TNK2: variants seen among roughly 807,000 people sequenced by gnomAD.
The protein encoded by TNK2 is activated CDC42 kinase 1.
In TNK2, 83 loss-of-function variants were observed where a neutral mutation model predicts 101.8. The ratio of observed to expected loss-of-function variants is 0.82; its 90% CI spans 0.68 to 0.98. The LOEUF (loss-of-function observed/expected upper bound fraction) is 0.98, where lower values mean the gene tolerates loss of function less well. TNK2 is among the 50% of genes least tolerant of loss of function. The pLI is 0.00. For synonymous variants in TNK2, 804 were observed against 633.0 expected, an observed-to-expected ratio of 1.27 and a Z score of -4.06; for missense variants, 1,665 against 1,483.2, an observed-to-expected ratio of 1.12 and a Z score of -2.01.
In TNK2 at chr3:195,878,244, A is replaced by G; in HGVS notation, c.1256+9T>C. On this transcript the variant is annotated intron_variant, in intron 9 of 15. Coordinates refer to ENST00000672887, the MANE Select transcript of TNK2 (RefSeq NM_001382273.1). This position sits in a 1 kb window ranked among gnomAD's most constrained non-coding sequence, Gnocchi z 4.7. ...ATCCCAGGGCGGGGCCCAGCCCTGC[A>G]CTCCCTACCTTCCCTCGATGACGGT... 6.2e-7 allele frequency: 1 copy of G among 1,613,584 alleles called. No individual in the cohort carries two copies.
intron 1 of TNK2, among the ~76,000 whole-genome samples, chr3:195,904,431 A>C (rs1761532494): frequency 6.6e-6 from 1 of 152,208 alleles, no homozygotes; most frequent in Non-Finnish European, 1.5e-5. Flanking sequence ...TAAGCCAGGC[A>C]CAAAAGCACA....
In TNK2 at chr3:195,868,014, G is replaced by C. The variant is rs1194346623; in HGVS notation, c.2284C>G (p.Pro762Ala). The C allele has an allele frequency of 2.5e-6, 4 of 1,580,890 alleles. No individual in the cohort carries two copies. The highest frequency in any genetic ancestry group is 3.3e-4 in the Middle Eastern group (2 of 5,988). The stretch of plus-strand genomic sequence containing the variant: ...TGGACGTGTGGGCGCGTGGGCCGAG[G>C]GGGGATGGGTACCCGAGGAGGCACC... ...PQVPPRVPIP[P>A]RPTRPHVQLS... The change falls in exon 13 of 16, where the codon CCT becomes GCT. Residue 762 changes from proline (P) to alanine (A), a missense_variant. Transcript: ENST00000672887.
chr3:195,869,828 AGT>A, intron 11 of TNK2: 1 of 556,778 alleles, frequency 1.8e-6, no homozygotes, highest in East Asian at 2.9e-5. Context: ...ATTAGGGGGA[AGT>A]GAGGAAAGCC....
rs1755720620 is a variant in TNK2, at chr3:195,886,672, G to A, written c.234+305C>T. On this transcript the variant is annotated intron_variant, in intron 3 of 15. Coordinates refer to ENST00000672887, the MANE Select transcript of TNK2 (RefSeq NM_001382273.1). This position sits in a 1 kb window ranked among gnomAD's most constrained non-coding sequence, Gnocchi z 4.2. ...ACACTGGCCCCAACGCTCAGACACAGCAGGGCTAAGTTAAGGCACACTTGT... is the reference window on the plus strand; with the variant it reads ...ACACTGGCCCCAACGCTCAGACACAACAGGGCTAAGTTAAGGCACACTTGT... Among the ~76,000 whole-genome samples, 1 of 152,194 alleles carries A rather than the reference G, an allele frequency of 6.6e-6. No individual in the cohort carries two copies. The highest frequency in any genetic ancestry group is 6.5e-5 in the Admixed American group (1 of 15,272).
rs748027284 is a variant in TNK2, at chr3:195,886,775, C to T, written c.234+202G>A. Among the ~76,000 whole-genome samples, 8 of 152,334 alleles carry T rather than the reference C, an allele frequency of 5.3e-5. No individual in the cohort carries two copies. The highest frequency in any genetic ancestry group is 1.0e-4 in the Non-Finnish European group (7 of 68,032). On this transcript the variant is annotated intron_variant, in intron 3 of 15. Transcript: ENST00000672887. This position sits in a 1 kb window ranked among gnomAD's most constrained non-coding sequence, Gnocchi z 4.2. The stretch of plus-strand genomic sequence containing the variant: ...ACACAGGCTGCTCACGTGTCCGTAT[C>T]TGGCGGAGACAGACACTTAGCCCAG...
intron 9 of TNK2, chr3:195,876,433 C>T (rs1749319681): frequency 2.2e-6 from 1 of 456,708 alleles, no homozygotes; most frequent in Non-Finnish European, 4.4e-6. Context: ...CACCCAGGCC[C>T]AAAGACTCAC....
chr3:195,906,390 T>G (rs1254610107), intron 1 of TNK2, among the ~76,000 whole-genome samples: 1 of 152,144 alleles, frequency 6.6e-6, no homozygotes, highest in Non-Finnish European at 1.5e-5. Flanking sequence ...AGCAGCTTTC[T>G]CTGAAAACCC....
chr3:195,867,664 G>C lies in TNK2; in HGVS notation c.2634C>G (p.Pro878=). The C allele has an allele frequency of 1.2e-6, 2 of 1,606,246 alleles. No homozygotes were observed. The highest frequency in any genetic ancestry group is 1.7e-6 in the Non-Finnish European group (2 of 1,179,596). The change falls in exon 13 of 16, where the codon CCC becomes CCG. Residue 878 remains proline, a synonymous_variant. Transcript: ENST00000672887. ...AGCGCTCCAGGTAGGATGGTCGCTC[G>C]GGCAGCAAGTAATAGTGGGTGCTGC... ...KVSSTHYYLL[P]ERPSYLERYQ...
Position 195,888,320 on chromosome 3 carries a change from G to C in TNK2, c.163+106C>G. The C allele has an allele frequency of 2.4e-6, 3 of 1,245,412 alleles. No individual in the cohort carries two copies. The highest frequency in any genetic ancestry group is 3.4e-6 in the Non-Finnish European group (3 of 879,728). 77.1% of individuals were successfully genotyped at this position (1,245,412 alleles called of 1,614,324 possible). ...ACTGATGTCCCTCCTGCTCCCTCAG[G>C]GCTCTGGGACAGAGTTCTCAGCTGC... is the stretch of plus-strand genomic sequence containing the variant. On this transcript the variant is annotated intron_variant, in intron 2 of 15. Coordinates refer to ENST00000672887, the MANE Select transcript of TNK2 (RefSeq NM_001382273.1). This position sits in a 1 kb window ranked among gnomAD's most constrained non-coding sequence, Gnocchi z 5.3.
At position 195,868,500 on chromosome 3, in the gene TNK2, A is replaced by G. The variant is rs1482889527; in HGVS notation, c.1798T>C (p.Cys600Arg). 3.2e-6 allele frequency: 5 copies of G among 1,546,794 alleles called. No homozygotes were observed. Among genetic ancestry groups the G allele is most frequent in the Non-Finnish European group, 4.3e-6 (5 of 1,157,048 alleles). The change falls in exon 13 of 16, where the codon TGC becomes CGC. Residue 600 changes from cysteine (C) to arginine (R), a missense_variant. Cys to Arg is a radical substitution (Grantham distance 180). Coordinates refer to ENST00000672887, the MANE Select transcript of TNK2 (RefSeq NM_001382273.1). Reference sequence around the variant, plus strand: ...GCCAGCTGCGCCAGGGAGGGCGCGCAGGGCCGTAGGGCCGGGACCACGGGC... The same window carrying G: ...GCCAGCTGCGCCAGGGAGGGCGCGCGGGGCCGTAGGGCCGGGACCACGGGC... ...EEPVVPALRP[C>R]APSLAQLAMD...
At chr3:195,871,016 T>C (rs551394090) in intron 10 of TNK2, among the ~76,000 whole-genome samples, 1 of 145,010 alleles carries the variant, frequency 6.9e-6, no homozygotes, top group African/African-American at 2.5e-5. Flanking sequence ...TTCTGGTGTG[T>C]GGGGGCCCGC....
At chr3:195,880,240 C>T (rs1201375622) in intron 6 of TNK2, among the ~76,000 whole-genome samples, 1 of 152,100 alleles carries the variant, frequency 6.6e-6, no homozygotes, top group Non-Finnish European at 1.5e-5. Flanking sequence ...GCAGCCCTGG[C>T]CCATCTACAA....
At position 195,868,460 on chromosome 3, in the gene TNK2, G is replaced by C. The variant is rs751564145; in HGVS notation, c.1838C>G (p.Ser613Cys). 3 of 1,559,550 alleles carry C rather than the reference G, an allele frequency of 1.9e-6. No individual in the cohort carries two copies. Among genetic ancestry groups the C allele is most frequent in the Non-Finnish European group, 2.6e-6 (3 of 1,164,122 alleles). Reference protein sequence around the residue: ...SLAQLAMDACSLLDETPPQSP... With the variant: ...SLAQLAMDACCLLDETPPQSP... ...CTGAGGCGGGGTCTCGTCCAGCAGG[G>C]AGCAGGCGTCCATGGCCAGCTGCGC... The change falls in exon 13 of 16, where the codon TCC (serine) becomes TGC (cysteine). Residue 613 changes from serine (S) to cysteine (C), a missense_variant. Coordinates refer to ENST00000672887, the MANE Select transcript of TNK2 (RefSeq NM_001382273.1).
intron 1 of TNK2, chr3:195,894,713 C>G (rs1240665071): frequency 6.6e-6 from 1 of 152,544 alleles, no homozygotes; most frequent in Non-Finnish European, 1.5e-5. Flanking sequence ...TTCTCCTCGC[C>G]CAGGAAAACA....
At chr3:195,902,957 C>G (rs766830934) in intron 1 of TNK2, among the ~76,000 whole-genome samples, 8 of 152,024 alleles carry the variant, frequency 5.3e-5, no homozygotes, top group Non-Finnish European at 1.2e-4. Flanking sequence ...ACCATGTTGC[C>G]CAGGCTGGTC....
intron 4 of TNK2, chr3:195,884,468 C>T: frequency 4.8e-6 from 1 of 207,310 alleles, no homozygotes; most frequent in Non-Finnish European, 9.7e-6. Flanking sequence ...CATGGTGAAA[C>T]CCCGTCTCTA....
chr3:195,892,706 G>A, intron 1 of TNK2: 2 of 1,393,990 alleles, frequency 1.4e-6, no homozygotes, highest in Non-Finnish European at 1.9e-6. Context: ...GCTGCAGCCG[G>A]GATCCTCTGT....
Position 195,872,409 on chromosome 3 carries a change from G to A in TNK2, c.1318C>T (p.Arg440Cys), listed in dbSNP as rs1403122471. Residue 440 changes from arginine (R) to cysteine (C), a missense_variant, in exon 10 of 16, where the codon CGC (arginine) becomes TGC (cysteine). By Grantham distance (180) the Arg-to-Cys change is radical. Transcript: ENST00000672887. The stretch of plus-strand genomic sequence containing the variant: ...CCGGCCACGGAGGTCACCACGTTGC[G>A]AGGGAAGGGCCCCACACACAGCGTC... ...TRTLCVGPFP[R>C]NVVTSVAGLS... The A allele has an allele frequency of 3.1e-6, 5 of 1,613,106 alleles. No homozygotes were observed. The highest frequency in any genetic ancestry group is 1.7e-5 in the Admixed American group (1 of 59,964).
intron 1 of TNK2, among the ~76,000 whole-genome samples, chr3:195,891,548 G>A (rs1305798461): frequency 6.6e-6 from 1 of 152,188 alleles, no homozygotes; most frequent in Non-Finnish European, 1.5e-5. Context: ...ACCAGGCGTC[G>A]TGGCTTTCCG....
Sources: allele counts gnomAD v4.1 joint callset (sites outside exome capture counted in the v4.1 genomes callset), GRCh38; gene constraint gnomAD v4.1.1; non-coding constraint Gnocchi (gnomAD v3.1); transcripts MANE v1.5; gene names NCBI Gene and HGNC (gene_info 2026-07-23, HGNC 2026-07-21).